The following XKRX variants were observed in gnomAD, a reference collection of about 807,000 sequenced individuals.
XKRX encodes the protein XK related X-linked.
XKRX carries 11 observed loss-of-function variants against 22.4 expected under a neutral mutation model. That is an observed-to-expected ratio of 0.49 (90% CI 0.31 to 0.81). XKRX has a LOEUF of 0.81. Ranked by LOEUF, XKRX falls within the 40% of genes least tolerant of loss-of-function variation. XKRX has a pLI of 0.05. For synonymous variants in XKRX, 114 were observed against 132.2 expected (o/e 0.86, Z 0.94); for missense variants, 320 against 336.5 (o/e 0.95, Z 0.38).
intron 1 of XKRX, among the ~76,000 whole-genome samples, chrX:100,923,833 CTTTCTTTTT>C (rs2085485565): frequency 1.1e-5 from 1 of 88,830 alleles, no homozygotes; most frequent in Non-Finnish European, 2.3e-5. Context: ...CTTTTTCTTT[CTTTCTTTTT>C]TTTTTTTTTT....
At chrX:100,924,177 T>C (rs2085489037) in intron 1 of XKRX, among the ~76,000 whole-genome samples, 1 of 108,967 alleles carries the variant, frequency 9.2e-6, no homozygotes, top group Non-Finnish European at 1.9e-5. Context: ...AAGAAAGGGC[T>C]CACAACCATA....
intron 2 of XKRX, among the ~76,000 whole-genome samples, chrX:100,916,318 T>C (rs2085435930): frequency 8.9e-6 from 1 of 112,256 alleles, no homozygotes; most frequent in Admixed American, 9.4e-5. Context: ...TAGAAATCTT[T>C]TTCTCTACAT....
intron 2 of XKRX, among the ~76,000 whole-genome samples, chrX:100,916,132 G>A (rs1310019644): frequency 1.8e-5 from 2 of 109,646 alleles, no homozygotes; most frequent in Non-Finnish European, 3.8e-5. Flanking sequence ...ATAACTATGT[G>A]AGGTGATGAA....
At chrX:100,941,563 A>T in the XKRX span, among the ~76,000 whole-genome samples, 1 of 111,554 alleles carries the variant, frequency 9.0e-6, no homozygotes, top group Non-Finnish European at 1.9e-5. Context: ...AAAAAAAATT[A>T]AAATTTCATT....
chrX:100,926,338 G>T (rs1184953797), intron 1 of XKRX, among the ~76,000 whole-genome samples: 3 of 111,571 alleles, frequency 2.7e-5, no homozygotes, highest in Admixed American at 9.6e-5. Context: ...CCAAATTTCA[G>T]GCCACTGTTT....
At chrX:100,898,310 A>G in the XKRX span, among the ~76,000 whole-genome samples, 1 of 111,109 alleles carries the variant, frequency 9.0e-6, no homozygotes, top group African/African-American at 3.3e-5. Context: ...CAGAGGAAAC[A>G]ATACAGACCT....
At chrX:100,934,864 T>A in the XKRX span, among the ~76,000 whole-genome samples, 6 of 112,143 alleles carry the variant, frequency 5.4e-5, no homozygotes, top group Non-Finnish European at 9.4e-5. Context: ...TTTTTCCACA[T>A]ACTTGACAAC....
At chrX:100,947,904 A>AT in the XKRX span, among the ~76,000 whole-genome samples, 1,798 of 102,308 alleles carry the variant, frequency 0.018, 30 homozygotes, top group African/African-American at 0.046. Context: ...TAATACATGA[A>AT]TTTTTTTTTT....
At chrX:100,910,086 C>A (rs1202745143), downstream of XKRX, among the ~76,000 whole-genome samples, 1 of 110,488 alleles carries the variant, frequency 9.1e-6, no homozygotes, top group Non-Finnish European at 1.9e-5. Context: ...TAGTTTATTT[C>A]TTTTCCTAAC....
chrX:100,930,028 C>T (rs918539346), upstream of XKRX, among the ~76,000 whole-genome samples: 5 of 111,012 alleles, frequency 4.5e-5, no homozygotes, highest in African/African-American at 1.3e-4. Context: ...GTGGTTCACG[C>T]CTGTAATCCC....
At chrX:100,898,683 G>C in the XKRX span, among the ~76,000 whole-genome samples, 3,185 of 110,158 alleles carry the variant, frequency 0.029, 107 homozygotes, top group African/African-American at 0.099. Flanking sequence ...AAGCTTTCAT[G>C]GGTGGGTGAC....
chrX:100,907,437 C>G, the XKRX span, among the ~76,000 whole-genome samples: 1 of 111,644 alleles, frequency 9.0e-6, no homozygotes, highest in Non-Finnish European at 1.9e-5. Context: ...TAAGTTCAAG[C>G]AATCCTCCTG....
At position 100,928,082 on chromosome X, in the gene XKRX, TAAAG is replaced by T. The variant is rs1367423502; in HGVS notation, c.219_222del (p.Phe73LeufsTer10). On this transcript the variant is annotated frameshift_variant, in exon 1 of 3. Coordinates refer to ENST00000372956, the MANE Select transcript of XKRX (RefSeq NM_212559.3). LOFTEE classifies it high-confidence loss of function. ...AACTGGACCATAATGGATGAAAACATAAAGAAAGAAAAGGTGTATGTCATCCAGT... is the reference window on the plus strand; with the variant it reads ...AACTGGACCATAATGGATGAAAACATAAAGAAAAGGTGTATGTCATCCAGT... 7 of 1,211,510 alleles carry T rather than the reference TAAAG, an allele frequency of 5.8e-6. No homozygotes were observed. Among genetic ancestry groups the T allele is most frequent in the Admixed American group, 2.2e-5 (1 of 45,992 alleles).
the XKRX span, among the ~76,000 whole-genome samples, chrX:100,904,382 C>T: frequency 8.9e-6 from 1 of 111,937 alleles, no homozygotes; most frequent in Admixed American, 9.5e-5. Context: ...ATGTAAAACA[C>T]AAAATGATAA....
downstream of XKRX, chrX:100,910,633 C>T (rs1194129905): frequency 2.3e-5 from 8 of 345,897 alleles, no homozygotes; most frequent in East Asian, 3.9e-4. Flanking sequence ...GGCCTCGGCT[C>T]GTGGGTCTCT....
chrX:100,940,928 C>T, the XKRX span, among the ~76,000 whole-genome samples: 1 of 111,681 alleles, frequency 9.0e-6, no homozygotes, highest in South Asian at 3.8e-4. Context: ...TAACTGCAAA[C>T]ATTTGCCCAC....
the XKRX span, chrX:100,888,556 C>T: frequency 1.8e-6 from 1 of 547,810 alleles, no homozygotes; most frequent in East Asian, 3.4e-5. Context: ...GCTTCCTCAG[C>T]TATTCGGGCT....
downstream of XKRX, chrX:100,911,019 A>G (rs2085405233): frequency 1.8e-6 from 1 of 561,492 alleles, no homozygotes; most frequent in Admixed American, 2.3e-5. Flanking sequence ...GTACTTTCCA[A>G]TATGATTAAA....
chrX:100,909,641 C>T (rs773497137), downstream of XKRX, among the ~76,000 whole-genome samples: 3 of 112,002 alleles, frequency 2.7e-5, no homozygotes, highest in African/African-American at 6.5e-5. Context: ...CAGTGGCTCA[C>T]GCCTGTGATC....
Sources: gnomAD v4.1 joint callset for allele counts (sites outside exome capture counted in the v4.1 genomes callset) on GRCh38, gnomAD v4.1.1 for gene constraint, MANE v1.5 for transcripts, NCBI Gene and HGNC (gene_info 2026-07-23, HGNC 2026-07-21) for gene names.